The following PDCD1LG2 variants were observed in gnomAD, a reference collection of about 807,000 sequenced individuals.
The protein encoded by PDCD1LG2 is B7 dendritic cell molecule.
Under a neutral mutation model 28.2 loss-of-function variants are expected in PDCD1LG2, and 32 were observed. The ratio of observed to expected loss-of-function variants is 1.13; its 90% confidence interval spans 0.86 to 1.52. The LOEUF is 1.52. Among genes scored for constraint, PDCD1LG2 ranks in the 40% most tolerant of loss-of-function variants. The pLI is 0.00. For synonymous variants in PDCD1LG2, 116 were observed against 120.2 expected (o/e 0.97, Z 0.23); for missense variants, 385 against 323.8 (o/e 1.19, Z -1.45).
intron 3 of PDCD1LG2, among the ~76,000 whole-genome samples, chr9:5,545,751 A>G (rs961205316): frequency 6.6e-6 from 1 of 152,212 alleles, no homozygotes; most frequent in Admixed American, 6.5e-5. Flanking sequence ...TCTGAACAAC[A>G]CAATTAGCCA....
At chr9:5,545,654 G>A (rs1204518403) in intron 3 of PDCD1LG2, among the ~76,000 whole-genome samples, 1 of 152,160 alleles carries the variant, frequency 6.6e-6, no homozygotes, top group Non-Finnish European at 1.5e-5. Context: ...GCAGACTTAG[G>A]AGAACCAGTC....
intron 5 of PDCD1LG2, among the ~76,000 whole-genome samples, chr9:5,561,122 G>C (rs1387516109): frequency 6.6e-6 from 1 of 152,176 alleles, no homozygotes; most frequent in African/African-American, 2.4e-5. Context: ...ATGCAGGTGA[G>C]TATGCTAGAT....
chr9:5,546,642 A>G (rs946772192), intron 3 of PDCD1LG2, among the ~76,000 whole-genome samples: 9 of 152,184 alleles, frequency 5.9e-5, no homozygotes, highest in African/African-American at 1.9e-4. Context: ...CTATCTGCTT[A>G]TGTTGCACCA....
intron 3 of PDCD1LG2, among the ~76,000 whole-genome samples, chr9:5,544,912 A>G (rs1820762924): frequency 6.6e-6 from 1 of 152,236 alleles, no homozygotes; most frequent in African/African-American, 2.4e-5. Context: ...TATCTAGAAT[A>G]TAGATTGTGT....
intron 5 of PDCD1LG2, among the ~76,000 whole-genome samples, chr9:5,558,998 C>T (rs1316463311): frequency 6.6e-6 from 1 of 152,194 alleles, no homozygotes; most frequent in Non-Finnish European, 1.5e-5. Flanking sequence ...TTATCTTCTG[C>T]CATTCTTCTT....
Position 5,542,749 on chromosome 9 carries a change from C to T in PDCD1LG2, c.362-6586C>T, listed in dbSNP as rs140379793. Among the ~76,000 whole-genome samples the T allele has an allele frequency of 2.6e-5, 4 of 152,284 alleles. No individual in the cohort carries two copies. The East Asian group carries it at 7.7e-4, about 29-fold the overall frequency. On this transcript the variant is annotated intron_variant, in intron 3 of 6. Coordinates refer to ENST00000397747, the MANE Select transcript of PDCD1LG2 (RefSeq NM_025239.4). ...TTGGTGGGAATGTAAACTAGTACAA[C>T]CACTATGGAAAACAGTGTGGAGATT...
intron 3 of PDCD1LG2, among the ~76,000 whole-genome samples, chr9:5,545,888 T>A (rs1050659428): frequency 6.6e-6 from 1 of 152,162 alleles, no homozygotes; most frequent in Non-Finnish European, 1.5e-5. Flanking sequence ...AGAAGGTGTT[T>A]TTCATTGAGC....
intron 2 of PDCD1LG2, among the ~76,000 whole-genome samples, chr9:5,530,906 G>A (rs1471105779): frequency 1.3e-5 from 2 of 152,206 alleles, no homozygotes; most frequent in Non-Finnish European, 2.9e-5. Context: ...GTCTGGGGAA[G>A]GCTTGAAATT....
intron 1 of PDCD1LG2, among the ~76,000 whole-genome samples, chr9:5,512,161 A>T (rs1251045265): frequency 6.6e-6 from 1 of 152,220 alleles, no homozygotes; most frequent in Admixed American, 6.5e-5. Flanking sequence ...TTAATTCCAC[A>T]TGCTAATGTC....
chr9:5,557,114 C>T (rs777693997), intron 4 of PDCD1LG2, among the ~76,000 whole-genome samples: 15 of 152,142 alleles, frequency 9.9e-5, no homozygotes, highest in Non-Finnish European at 1.6e-4. Flanking sequence ...GGTATAGATT[C>T]TAAGCACTGT....
At chr9:5,549,653 G>T in intron 4 of PDCD1LG2, 49 bp downstream of exon 4, 1 of 1,599,122 alleles carries the variant, frequency 6.3e-7, no homozygotes, top group East Asian at 2.2e-5. Context: ...GTTCAGACAA[G>T]AAACAGATGG....
intron 3 of PDCD1LG2, among the ~76,000 whole-genome samples, chr9:5,538,790 T>C (rs937834339): frequency 2.0e-5 from 3 of 152,184 alleles, no homozygotes; most frequent in Admixed American, 1.3e-4. Flanking sequence ...TGTGAAGTTA[T>C]GTGCACCTTC....
intron 2 of PDCD1LG2, among the ~76,000 whole-genome samples, chr9:5,529,072 A>G (rs1297766608): frequency 2.0e-5 from 3 of 152,330 alleles, no homozygotes; most frequent in East Asian, 1.9e-4. Context: ...TCAGATATTG[A>G]TTTTCAAATA....
intron 5 of PDCD1LG2, among the ~76,000 whole-genome samples, chr9:5,560,230 C>A (rs963337202): frequency 2.0e-5 from 3 of 152,170 alleles, no homozygotes; most frequent in African/African-American, 7.2e-5. Flanking sequence ...CTCAAGTACC[C>A]ACATGCCCAT....
At chr9:5,544,325 G>A (rs1820750315) in intron 3 of PDCD1LG2, among the ~76,000 whole-genome samples, 1 of 152,194 alleles carries the variant, frequency 6.6e-6, no homozygotes. Flanking sequence ...AGGGTTAATG[G>A]AGCCCAGGGA....
chr9:5,555,332 A>C (rs969335735), intron 4 of PDCD1LG2, among the ~76,000 whole-genome samples: 8 of 152,096 alleles, frequency 5.3e-5, no homozygotes, highest in African/African-American at 1.9e-4. Context: ...CAGGAGAATC[A>C]CTTGAACCCA....
At chr9:5,543,272 G>T (rs1445086148) in intron 3 of PDCD1LG2, among the ~76,000 whole-genome samples, 6 of 152,172 alleles carry the variant, frequency 3.9e-5, no homozygotes, top group Admixed American at 3.9e-4. Flanking sequence ...AGGCGTGGTT[G>T]CTCACACCTG....
At chr9:5,531,226 A>G (rs1820478109) in intron 2 of PDCD1LG2, among the ~76,000 whole-genome samples, 1 of 152,244 alleles carries the variant, frequency 6.6e-6, no homozygotes, top group African/African-American at 2.4e-5. Flanking sequence ...GGCTTGAGAA[A>G]AAACCTCTTC....
intron 6 of PDCD1LG2, among the ~76,000 whole-genome samples, chr9:5,564,923 C>T (rs1439365277): frequency 3.3e-5 from 5 of 152,192 alleles, no homozygotes; most frequent in African/African-American, 9.7e-5. Context: ...TAATGAGTAA[C>T]TTTATTATTA....
Sources: allele counts gnomAD v4.1 joint callset (sites outside exome capture counted in the v4.1 genomes callset), GRCh38; gene constraint gnomAD v4.1.1; transcripts MANE v1.5; gene names NCBI Gene and HGNC (gene_info 2026-07-23, HGNC 2026-07-21).